The following VPS36 variants were observed in gnomAD, a reference collection of about 807,000 sequenced individuals.
The protein encoded by VPS36 is vacuolar protein-sorting-associated protein 36.
Under a neutral mutation model 63.5 loss-of-function variants are expected in VPS36, and 31 were observed. The observed-to-expected ratio is 0.49, with a 90% CI of 0.37 to 0.66. VPS36 has a LOEUF of 0.66. Ranked by LOEUF, VPS36 falls within the 30% of genes least tolerant of loss-of-function variation. VPS36 has a pLI of 0.00. For missense variants in VPS36, 338 were observed against 463.7 expected (o/e 0.73, Z 2.49); for synonymous variants, 138 against 157.2 (o/e 0.88, Z 0.91).
intron 6 of VPS36, 34 bp from the exon 7 acceptor site, chr13:52,427,253 T>C (rs763153254): frequency 1.7e-5 from 28 of 1,600,836 alleles, no homozygotes; most frequent in Non-Finnish European, 2.2e-5. Flanking sequence ...TTGAAATCCA[T>C]CTAAAGAATT....
chr13:52,440,209 C>A (rs564950829), intron 2 of VPS36, among the ~76,000 whole-genome samples: 24 of 151,856 alleles, frequency 1.6e-4, no homozygotes, highest in Non-Finnish European at 3.5e-4. Flanking sequence ...GAACTCCTGA[C>A]CTCAAGTGAC....
chr13:52,441,511 G>A (rs570009987), intron 2 of VPS36, among the ~76,000 whole-genome samples: 3 of 152,312 alleles, frequency 2.0e-5, no homozygotes, highest in South Asian at 4.1e-4. Context: ...CCAGCACTTT[G>A]GGAGGCCGAG....
intron 10 of VPS36, among the ~76,000 whole-genome samples, chr13:52,418,573 C>CAAAAAAAAAAAAAAAAAAAAAAAA (rs1201650906): frequency 3.2e-5 from 1 of 31,158 alleles, no homozygotes. Context: ...GACTCCATCT[C>CAAAAAAAAAAAAAAAAAAAAAAAA]AAAAAAAAAA....
At chr13:52,436,493 C>A in intron 3 of VPS36, 89 bp from the exon 4 acceptor site, 1 of 946,576 alleles carries the variant, frequency 1.1e-6, no homozygotes, top group South Asian at 1.6e-5. Flanking sequence ...TATTTCAAAT[C>A]ACTTTTAAAA....
chr13:52,426,169 C>T, intron 8 of VPS36, 103 bp from the exon 9 acceptor site: 1 of 1,402,926 alleles, frequency 7.1e-7, no homozygotes, highest in South Asian at 1.3e-5. Context: ...TACATATCCC[C>T]ATTCCTTCTA....
intron 7 of VPS36, 23 bp from the exon 8 acceptor site, chr13:52,427,089 T>G (rs1958109427): frequency 1.9e-6 from 3 of 1,604,956 alleles, no homozygotes; most frequent in African/African-American, 1.3e-5. Context: ...AAGTAAAGAC[T>G]GAAAAGCACT....
At chr13:52,425,326 A>G (rs897881510) in intron 9 of VPS36, among the ~76,000 whole-genome samples, 1 of 151,980 alleles carries the variant, frequency 6.6e-6, no homozygotes, top group Admixed American at 6.6e-5. Flanking sequence ...AATTTTTTAG[A>G]TTATGAAAGG....
At chr13:52,418,389 A>G (rs1422964614) in intron 10 of VPS36, among the ~76,000 whole-genome samples, 1 of 152,018 alleles carries the variant, frequency 6.6e-6, no homozygotes, top group African/African-American at 2.4e-5. Flanking sequence ...GGCCTGGCCA[A>G]CATGGTGAAA....
chr13:52,432,694 T>A (rs551937698), intron 6 of VPS36, among the ~76,000 whole-genome samples: 2 of 152,196 alleles, frequency 1.3e-5, no homozygotes, highest in South Asian at 4.2e-4. Flanking sequence ...GGACAGAACA[T>A]GAGTGTGACA....
At chr13:52,422,756 C>T (rs1001211301) in intron 10 of VPS36, among the ~76,000 whole-genome samples, 1 of 152,140 alleles carries the variant, frequency 6.6e-6, no homozygotes, top group African/African-American at 2.4e-5. Flanking sequence ...CTGCATATAA[C>T]AGACAAGAGA....
At chr13:52,430,476 T>TA (rs1958143914) in intron 6 of VPS36, among the ~76,000 whole-genome samples, 2 of 151,470 alleles carry the variant, frequency 1.3e-5, no homozygotes, top group Non-Finnish European at 2.9e-5. Flanking sequence ...ACTAAAAATA[T>TA]AAAAAATTAG....
chr13:52,432,446 G>T (rs1174198119), intron 6 of VPS36, among the ~76,000 whole-genome samples: 5 of 152,182 alleles, frequency 3.3e-5, no homozygotes, highest in African/African-American at 1.2e-4. Flanking sequence ...GATGATAAAG[G>T]AAAATGCAAT....
At position 52,427,082 on chromosome 13, in the gene VPS36, TAA is replaced by T. The variant is rs1958109400; in HGVS notation, c.562-18_562-17del. The T allele has an allele frequency of 1.9e-6, 3 of 1,607,404 alleles. No homozygotes were observed. The highest frequency in any genetic ancestry group is 1.1e-5 in the South Asian group (1 of 89,334). ...TTTCCTTAGCCTGTCAAATAAAAAG[TAA>T]AGACTGAAAAGCACTATTGTCCCCA... On this transcript the variant is annotated splice_polypyrimidine_tract_variant and intron_variant, in intron 7 of 13. Coordinates refer to ENST00000378060, the MANE Select transcript of VPS36 (RefSeq NM_016075.4).
At chr13:52,422,046 T>C (rs1958052295) in intron 10 of VPS36, among the ~76,000 whole-genome samples, 1 of 152,114 alleles carries the variant, frequency 6.6e-6, no homozygotes, top group Admixed American at 6.5e-5. Context: ...ACTCTGCTAT[T>C]GAACATTCGA....
intron 9 of VPS36, chr13:52,425,722 TAG>T: frequency 2.2e-6 from 1 of 448,146 alleles, no homozygotes; most frequent in East Asian, 3.8e-5. Flanking sequence ...TAGAAAGTTA[TAG>T]ATGTCAAAAA....
intron 9 of VPS36, 112 bp downstream of exon 9, chr13:52,425,820 G>T: frequency 1.8e-6 from 2 of 1,096,914 alleles, no homozygotes; most frequent in Non-Finnish European, 1.2e-6. Flanking sequence ...AAAAAAACAT[G>T]TCAGTTGACA....
At chr13:52,442,294 C>T (rs1958287892) in intron 2 of VPS36, 83 bp downstream of exon 2, 1 of 1,305,510 alleles carries the variant, frequency 7.7e-7, no homozygotes, top group Non-Finnish European at 1.0e-6. Context: ...ACAGATCAGC[C>T]TAGGCAATAC....
At chr13:52,444,544 A>G (rs1958317458) in intron 1 of VPS36, among the ~76,000 whole-genome samples, 1 of 147,806 alleles carries the variant, frequency 6.8e-6, no homozygotes, top group Admixed American at 6.8e-5. Context: ...AAATACATAT[A>G]CATATATATG....
intron 10 of VPS36, among the ~76,000 whole-genome samples, chr13:52,418,674 T>C (rs925707701): frequency 2.0e-5 from 3 of 150,750 alleles, no homozygotes; most frequent in Admixed American, 6.6e-5. Context: ...CAATTCAACA[T>C]ATAATCAATA....
Sources: gnomAD v4.1 joint callset for allele counts (sites outside exome capture counted in the v4.1 genomes callset) on GRCh38, gnomAD v4.1.1 for gene constraint, MANE v1.5 for transcripts, NCBI Gene and HGNC (gene_info 2026-07-23, HGNC 2026-07-21) for gene names.